Variants in SDK2 observed in about 807,000 individuals in gnomAD.
The protein encoded by SDK2 is sidekick cell adhesion molecule 2.
SDK2 carries 105 observed loss-of-function variants against 253.9 expected under a neutral mutation model. The observed-to-expected ratio is 0.41, with a 90% CI of 0.35 to 0.49. SDK2 has a LOEUF of 0.49. SDK2 is among the 20% of genes least tolerant of loss of function. The pLI is 0.06. For missense variants in SDK2, 2,608 were observed against 3,003.0 expected (o/e 0.87, Z 3.07); for synonymous variants, 1,249 against 1,234.9 (o/e 1.01, Z -0.24).
In SDK2 at chr17:73,612,192, T is replaced by C. The variant is rs2143132667; in HGVS notation, c.64+31833A>G. Among the ~76,000 whole-genome samples, 1 of 152,294 alleles carries C rather than the reference T, an allele frequency of 6.6e-6. No homozygotes were observed. Among genetic ancestry groups the C allele is most frequent in the East Asian group, 1.9e-4 (1 of 5,180 alleles). ...TCAAGCGAGGAAAGATAAATGCAAG[T>C]ACACCACAGTGGTGGCCCAGCTGCA... On this transcript the variant is annotated intron_variant, in intron 1 of 44. Coordinates refer to ENST00000392650, the MANE Select transcript of SDK2 (RefSeq NM_001144952.2). The surrounding 1 kb of genome is among the most constrained non-coding windows in gnomAD (Gnocchi z 4.4).
chr17:73,610,698 ATG>A (rs1430957309), intron 1 of SDK2, among the ~76,000 whole-genome samples: 1 of 147,878 alleles, frequency 6.8e-6, no homozygotes, highest in Non-Finnish European at 1.5e-5. Context: ...CATGTGTGTA[ATG>A]TGTGTCTGTG....
chr17:73,643,941 C>T lies in SDK2; in HGVS notation c.64+84G>A. The T allele has an allele frequency of 1.6e-6, 2 of 1,239,468 alleles. No homozygotes were observed. The highest frequency in any genetic ancestry group is 1.1e-6 in the Non-Finnish European group (1 of 871,198). The allele number at this position is 1,239,468 out of a possible 1,614,324, so 76.8% of individuals were successfully genotyped here. A position where few individuals can be genotyped will look rare whatever the true frequency, so the allele number is the denominator to read the frequency against. ...CTAAGCCGGGTGTCCAGGAGGTCAC[C>T]GTGAGGCCGGCCAGCTCCCGCCGCC... On this transcript the variant is annotated intron_variant, in intron 1 of 44. Transcript: ENST00000392650. This position sits in a 1 kb window ranked among gnomAD's most constrained non-coding sequence, Gnocchi z 6.9.
At chr17:73,588,879 C>T (rs563824882) in intron 1 of SDK2, among the ~76,000 whole-genome samples, 6 of 152,366 alleles carry the variant, frequency 3.9e-5, no homozygotes, top group African/African-American at 1.2e-4. Context: ...AGGTGCCATA[C>T]GCACTTCATT....
chr17:73,553,478 G>A lies in SDK2; in HGVS notation c.65-45881C>T, dbSNP rs546532124. Among the ~76,000 whole-genome samples, 182 of 152,284 alleles carry A rather than the reference G, an allele frequency of 1.2e-3. 1 individual carries two copies. Among genetic ancestry groups the A allele is most frequent in the Non-Finnish European group, 2.1e-3 (141 of 68,020 alleles). Reference sequence around the variant, plus strand: ...GGGCCAGTGAGCAGCCCAGTGGTGAGTCACCCCCAAGCCCTGCCGGCTGCA... The same window carrying A: ...GGGCCAGTGAGCAGCCCAGTGGTGAATCACCCCCAAGCCCTGCCGGCTGCA... On this transcript the variant is annotated intron_variant, in intron 1 of 44. Transcript: ENST00000392650.
intron 1 of SDK2, among the ~76,000 whole-genome samples, chr17:73,635,645 T>C (rs902258387): frequency 1.1e-4 from 16 of 152,186 alleles, no homozygotes. Flanking sequence ...TGTCACATCA[T>C]CAAAATTTCA....
At chr17:73,400,756 C>T (rs763020770) in intron 21 of SDK2, among the ~76,000 whole-genome samples, 96 of 151,816 alleles carry the variant, frequency 6.3e-4, no homozygotes, top group Non-Finnish European at 4.9e-4. Flanking sequence ...TGGGTTCAAG[C>T]GATCTTCCAT....
intron 11 of SDK2, among the ~76,000 whole-genome samples, chr17:73,430,901 C>T (rs1469132550): frequency 6.6e-6 from 1 of 152,212 alleles, no homozygotes; most frequent in African/African-American, 2.4e-5. Flanking sequence ...CAGTCTAGTG[C>T]TTCATGCACC....
At chr17:73,473,989 T>C (rs1295191141) in intron 2 of SDK2, among the ~76,000 whole-genome samples, 2 of 152,152 alleles carry the variant, frequency 1.3e-5, no homozygotes, top group Non-Finnish European at 2.9e-5. Context: ...AATCTCAGCA[T>C]AAAGGCATTT....
intron 1 of SDK2, among the ~76,000 whole-genome samples, chr17:73,604,794 C>T (rs1271885276): frequency 5.3e-5 from 8 of 152,158 alleles, no homozygotes; most frequent in South Asian, 4.1e-4. Context: ...AAGACCACGC[C>T]GAGGTCCAGG....
Position 73,564,474 on chromosome 17 carries a change from G to A in SDK2, c.65-56877C>T, listed in dbSNP as rs141067731. Among the ~76,000 whole-genome samples the A allele has an allele frequency of 3.7e-3, 568 of 152,312 alleles. 3 individuals are homozygous for A. Among genetic ancestry groups the A allele is most frequent in the African/African-American group, 7.7e-3 (319 of 41,568 alleles). On this transcript the variant is annotated intron_variant, in intron 1 of 44. Transcript: ENST00000392650. ...ATTTAACTAATTCCACTGGATGTACGTGTGACCCAGAGAGGTGCCTGGTGT... is the reference window on the plus strand; with the variant it reads ...ATTTAACTAATTCCACTGGATGTACATGTGACCCAGAGAGGTGCCTGGTGT...
At chr17:73,598,898 G>A (rs1567864846) in intron 1 of SDK2, among the ~76,000 whole-genome samples, 1 of 152,238 alleles carries the variant, frequency 6.6e-6, no homozygotes, top group African/African-American at 2.4e-5. Flanking sequence ...TAAAATGAAT[G>A]GATCAGGCAC....
At chr17:73,388,798 CCT>C (rs1421528711) in intron 29 of SDK2, among the ~76,000 whole-genome samples, 9 of 62,714 alleles carry the variant, frequency 1.4e-4, no homozygotes, top group East Asian at 1.6e-3. Context: ...TTCCCTCCCT[CCT>C]TCCTTCCTTC....
intron 17 of SDK2, among the ~76,000 whole-genome samples, chr17:73,415,037 C>T (rs1351222143): frequency 1.3e-5 from 2 of 152,172 alleles, no homozygotes; most frequent in Non-Finnish European, 2.9e-5. Context: ...AGGTGGAATG[C>T]TAAAAGTAAG....
At chr17:73,370,270 C>T (rs147689088) in intron 36 of SDK2, among the ~76,000 whole-genome samples, 1,767 of 152,110 alleles carry the variant, frequency 0.012, 39 homozygotes, top group African/African-American at 0.041. Flanking sequence ...TTGAGACAGG[C>T]CTCACTCTGT....
intron 1 of SDK2, among the ~76,000 whole-genome samples, chr17:73,566,226 A>T (rs959230799): frequency 1.3e-5 from 2 of 152,124 alleles, no homozygotes; most frequent in African/African-American, 4.8e-5. Context: ...GCATGAGTGG[A>T]AGCTTCCTGA....
intron 1 of SDK2, among the ~76,000 whole-genome samples, chr17:73,542,878 C>T (rs1227921844): frequency 2.0e-5 from 3 of 152,166 alleles, no homozygotes; most frequent in Non-Finnish European, 4.4e-5. Flanking sequence ...GAAATGACTG[C>T]AGTCCCACAA....
chr17:73,419,453 T>C (rs2063210074), intron 15 of SDK2, 147 bp from the exon 16 acceptor site: 1 of 827,530 alleles, frequency 1.2e-6, no homozygotes, highest in Non-Finnish European at 1.9e-6. Flanking sequence ...CTGACTTCTC[T>C]GAGCTTGTTC....
At chr17:73,519,443 G>A (rs2064058030) in intron 1 of SDK2, 1 of 152,248 alleles carries the variant, frequency 6.6e-6, no homozygotes, top group African/African-American at 2.4e-5. Context: ...CCCCAGACGG[G>A]GCCTGTCTGC....
chr17:73,473,707 G>A (rs369033663), intron 2 of SDK2, among the ~76,000 whole-genome samples: 5 of 152,142 alleles, frequency 3.3e-5, no homozygotes, highest in South Asian at 4.1e-4. Flanking sequence ...CTTTTCATAC[G>A]TTTCTTCATT....
Sources: allele counts gnomAD v4.1 joint callset (sites outside exome capture counted in the v4.1 genomes callset), GRCh38; gene constraint gnomAD v4.1.1; non-coding constraint Gnocchi (gnomAD v3.1); transcripts MANE v1.5; gene names NCBI Gene and HGNC (gene_info 2026-07-23, HGNC 2026-07-21).